Variants in MYO16 observed in about 807,000 individuals in gnomAD.
The protein encoded by MYO16 is myosin XVI, also known as unconventional myosin-XVI.
A neutral mutation model predicts 205.3 loss-of-function variants in MYO16; 94 were observed. The observed-to-expected ratio is 0.46, with a 90% CI of 0.39 to 0.54. The LOEUF (loss-of-function observed/expected upper bound fraction) is 0.54. Ranked by LOEUF, MYO16 falls within the 20% of genes least tolerant of loss-of-function variation. The probability of loss-of-function intolerance (pLI) is 0.00; values close to 1 mark genes in which losing one functional copy is unlikely to be tolerated. For synonymous variants in MYO16, 988 were observed against 954.0 expected, an observed-to-expected ratio of 1.04 and a Z score of -0.66; for missense variants, 2,315 against 2,387.5, an observed-to-expected ratio of 0.97 and a Z score of 0.63.
intron 9 of MYO16, among the ~76,000 whole-genome samples, chr13:108,831,021 C>G (rs1160725434): frequency 1.3e-5 from 2 of 152,120 alleles, no homozygotes; most frequent in African/African-American, 4.8e-5. Context: ...TTCTCATGAA[C>G]AGTGCCTTCA....
At chr13:109,185,187 A>C (rs1879632039) in intron 34 of MYO16, among the ~76,000 whole-genome samples, 1 of 152,238 alleles carries the variant, frequency 6.6e-6, no homozygotes, top group African/African-American at 2.4e-5. Flanking sequence ...AAGTAATTAG[A>C]AACATTTGGC....
At position 108,874,050 on chromosome 13, in the gene MYO16, G is replaced by A. The variant is rs1879205668; in HGVS notation, c.1425+7808G>A. Among the ~76,000 whole-genome samples the A allele has an allele frequency of 1.3e-5, 2 of 152,216 alleles. 1 individual carries two copies. Among genetic ancestry groups the A allele is most frequent in the South Asian group, 4.1e-4 (2 of 4,830 alleles). ...GTACTTACAGTGTCCTCATCCTTGAGCACTGTGTAGACATGCTAGAGACAA... is the reference window on the plus strand; with the variant it reads ...GTACTTACAGTGTCCTCATCCTTGAACACTGTGTAGACATGCTAGAGACAA... On this transcript the variant is annotated intron_variant, in intron 12 of 34. Transcript: ENST00000457511.
chr13:109,150,305 A>G (rs1379580179), intron 32 of MYO16, among the ~76,000 whole-genome samples: 1 of 152,220 alleles, frequency 6.6e-6, no homozygotes, highest in African/African-American at 2.4e-5. Context: ...ATGACTAAAT[A>G]AAGCCAGGGC....
intron 20 of MYO16, among the ~76,000 whole-genome samples, chr13:108,978,578 G>C (rs1201026031): frequency 6.6e-6 from 1 of 151,798 alleles, no homozygotes; most frequent in Non-Finnish European, 1.5e-5. Context: ...TGCAAACCCT[G>C]TTTGCTCATG....
chr13:109,175,518 A>T (rs944358040), intron 33 of MYO16, among the ~76,000 whole-genome samples: 4 of 152,196 alleles, frequency 2.6e-5, no homozygotes, highest in Non-Finnish European at 5.9e-5. Context: ...GCAGTTTCAG[A>T]AGACCTTGAT....
the MYO16 span, among the ~76,000 whole-genome samples, chr13:108,516,361 C>T: frequency 1.1e-3 from 173 of 152,024 alleles, no homozygotes; most frequent in African/African-American, 3.9e-3. Context: ...ACACACTGGC[C>T]TGCGCCCACT....
chr13:108,608,179 G>A (rs1015464033), intron 1 of MYO16, among the ~76,000 whole-genome samples: 2 of 152,078 alleles, frequency 1.3e-5, no homozygotes, highest in African/African-American at 2.4e-5. Flanking sequence ...CATTTTAGTC[G>A]TGCACATAGG....
chr13:108,961,573 T>C lies in MYO16; in HGVS notation c.2072T>C (p.Ile691Thr). Residue 691 changes from isoleucine (I) to threonine (T), a missense_variant, in exon 18 of 35, where the codon ATA becomes ACA. Ile to Thr is a moderately conservative substitution (Grantham distance 89). Transcript: ENST00000457511. ...VENLFVILAA[I>T]LHLGDIRFTA... ...AATCTGTTCGTAATTCTAGCAGCAA[T>C]ATTGCACCTTGGAGACATTCGGTTT... The C allele has an allele frequency of 6.2e-7, 1 of 1,614,114 alleles. No individual in the cohort carries two copies. The highest frequency in any genetic ancestry group is 8.5e-7 in the Non-Finnish European group (1 of 1,179,946).
At position 109,023,709 on chromosome 13, in the gene MYO16, A is replaced by ACATATATATGTATATATGTATATAT. The variant is rs1886239021; in HGVS notation, c.2796+3798_2796+3799insCATATATATGTATATATGTATATAT. Among the ~76,000 whole-genome samples the ACATATATATGTATATATGTATATAT allele has an allele frequency of 4.0e-5, 5 of 124,142 alleles. No homozygotes were observed. The East Asian group carries it at 7.0e-4, about 17-fold the overall frequency. The allele number at this position is 124,142 out of a possible 152,430, so 81.4% of individuals were successfully genotyped here. ...TACATATATATGTATATATGTATAT[A>ACATATATATGTATATATGTATATAT]TACAAATATATGTATATATGCATAT... On this transcript the variant is annotated intron_variant, in intron 23 of 34. Transcript: ENST00000457511.
intron 23 of MYO16, among the ~76,000 whole-genome samples, chr13:109,032,169 T>A (rs1886566365): frequency 6.6e-6 from 1 of 152,134 alleles, no homozygotes; most frequent in African/African-American, 2.4e-5. Flanking sequence ...TGGGGTTGAT[T>A]CCACATAGAC....
chr13:108,754,403 G>A (rs953768244), intron 4 of MYO16, among the ~76,000 whole-genome samples: 4 of 152,184 alleles, frequency 2.6e-5, no homozygotes, highest in African/African-American at 9.7e-5. Flanking sequence ...CAATGGTAAG[G>A]AATAAATTAA....
intron 16 of MYO16, among the ~76,000 whole-genome samples, chr13:108,944,569 G>C (rs1882861962): frequency 6.6e-6 from 1 of 152,120 alleles, no homozygotes; most frequent in African/African-American, 2.4e-5. Context: ...GTTGTTAACT[G>C]TTTGAAGTAT....
intron 16 of MYO16, among the ~76,000 whole-genome samples, chr13:108,921,053 T>A (rs1324960567): frequency 6.6e-6 from 1 of 152,208 alleles, no homozygotes; most frequent in Non-Finnish European, 1.5e-5. Context: ...TTCCAAAACC[T>A]GCCCATGTGG....
intron 20 of MYO16, among the ~76,000 whole-genome samples, chr13:108,974,788 C>T (rs1884190258): frequency 6.6e-6 from 1 of 152,092 alleles, no homozygotes; most frequent in Non-Finnish European, 1.5e-5. Flanking sequence ...ATTTGATTTT[C>T]AGCTCTAAGA....
intron 28 of MYO16, among the ~76,000 whole-genome samples, chr13:109,110,243 G>A (rs1323912675): frequency 1.3e-5 from 2 of 152,180 alleles, no homozygotes; most frequent in African/African-American, 4.8e-5. Context: ...GTTTGGGTGT[G>A]GCTTTGGTAA....
At chr13:109,183,781 T>G (rs914456797) in intron 34 of MYO16, among the ~76,000 whole-genome samples, 1 of 152,242 alleles carries the variant, frequency 6.6e-6, no homozygotes. Context: ...ATTCATGGTC[T>G]TTGATAAACT....
At chr13:108,540,809 G>T in the MYO16 span, among the ~76,000 whole-genome samples, 1 of 152,072 alleles carries the variant, frequency 6.6e-6, no homozygotes, top group African/African-American at 2.4e-5. Flanking sequence ...GAAGTGCAAA[G>T]CTTCATGTTT....
chr13:108,501,427 C>T, the MYO16 span, among the ~76,000 whole-genome samples: 3 of 152,194 alleles, frequency 2.0e-5, no homozygotes, highest in Non-Finnish European at 4.4e-5. Context: ...CTCTCATCTG[C>T]TTCTCCCTTC....
chr13:108,890,594 G>T (rs941499454), intron 14 of MYO16, among the ~76,000 whole-genome samples: 2 of 152,166 alleles, frequency 1.3e-5, no homozygotes, highest in South Asian at 2.1e-4. Context: ...TCTCATCACA[G>T]TTATGGGCTT....
Sources: gnomAD v4.1 joint callset for allele counts (sites outside exome capture counted in the v4.1 genomes callset) on GRCh38, gnomAD v4.1.1 for gene constraint, MANE v1.5 for transcripts, NCBI Gene and HGNC (gene_info 2026-07-23, HGNC 2026-07-21) for gene names.